Variants in IL21R observed in about 807,000 individuals in gnomAD.
IL21R encodes the protein interleukin 21 receptor.
In IL21R, 14 loss-of-function variants were observed where a neutral mutation model predicts 41.3. The ratio of observed to expected loss-of-function variants is 0.34; its 90% CI spans 0.22 to 0.53. The LOEUF (loss-of-function observed/expected upper bound fraction) is 0.53. Among genes scored for constraint, IL21R ranks in the 20% least tolerant of loss-of-function variants. IL21R has a pLI of 0.94. For missense variants in IL21R, 588 were observed against 681.6 expected, an observed-to-expected ratio of 0.86 and a Z score of 1.53; for synonymous variants, 286 against 287.6, an observed-to-expected ratio of 0.99 and a Z score of 0.05.
At chr16:27,413,251 T>C (rs1408814902) in intron 1 of IL21R, among the ~76,000 whole-genome samples, 1 of 152,180 alleles carries the variant, frequency 6.6e-6, no homozygotes, top group Non-Finnish European at 1.5e-5. Flanking sequence ...TTTGTGTTAA[T>C]TTCATGTATT....
chr16:27,418,500 C>G (rs966261823), intron 1 of IL21R, among the ~76,000 whole-genome samples: 3 of 152,122 alleles, frequency 2.0e-5, no homozygotes, highest in Non-Finnish European at 4.4e-5. Flanking sequence ...TCCAGAGTAG[C>G]TGGGACTACA....
chr16:27,445,461 C>T (rs2087460282), intron 7 of IL21R, among the ~76,000 whole-genome samples, 185 bp downstream of exon 7: 1 of 152,178 alleles, frequency 6.6e-6, no homozygotes, highest in Admixed American at 6.5e-5. Flanking sequence ...CCCATGGCTG[C>T]CCTATGAGCT....
chr16:27,413,090 T>C (rs1402039195), intron 1 of IL21R, among the ~76,000 whole-genome samples: 1 of 152,204 alleles, frequency 6.6e-6, no homozygotes, highest in Non-Finnish European at 1.5e-5. Flanking sequence ...ATATATTCAC[T>C]GTGGGCTTTT....
chr16:27,419,085 G>A (rs926990493), intron 1 of IL21R, among the ~76,000 whole-genome samples: 1 of 151,944 alleles, frequency 6.6e-6, no homozygotes, highest in Non-Finnish European at 1.5e-5. Flanking sequence ...CATGGTGGCG[G>A]GCGCCTGTAA....
At chr16:27,425,885 C>A (rs1021798363) in intron 1 of IL21R, among the ~76,000 whole-genome samples, 1 of 152,136 alleles carries the variant, frequency 6.6e-6, no homozygotes, top group Non-Finnish European at 1.5e-5. Flanking sequence ...CAAAGACAAA[C>A]CACATCTCCA....
chr16:27,438,256 C>G (rs1024475661), intron 4 of IL21R, among the ~76,000 whole-genome samples: 14 of 151,892 alleles, frequency 9.2e-5, no homozygotes, highest in Non-Finnish European at 1.3e-4. Flanking sequence ...GGATCCTGAC[C>G]CCATAATGAG....
intron 1 of IL21R, among the ~76,000 whole-genome samples, chr16:27,420,878 A>T (rs772547039): frequency 2.6e-5 from 4 of 152,122 alleles, no homozygotes; most frequent in Non-Finnish European, 4.4e-5. Flanking sequence ...AAAAACTATT[A>T]TTGTCTCATA....
At chr16:27,418,560 C>G (rs886172877) in intron 1 of IL21R, among the ~76,000 whole-genome samples, 1 of 151,768 alleles carries the variant, frequency 6.6e-6, no homozygotes, top group Middle Eastern at 3.4e-3. Flanking sequence ...TTAGTAGAGA[C>G]GGGGTTTCAC....
intron 4 of IL21R, among the ~76,000 whole-genome samples, chr16:27,440,248 T>TATATATAGAG (rs1352160946): frequency 0.011 from 715 of 63,998 alleles, 6 homozygotes; most frequent in Non-Finnish European, 0.013. Flanking sequence ...TATATATATA[T>TATATATAGAG]AGAGAGAGAG....
intron 1 of IL21R, among the ~76,000 whole-genome samples, chr16:27,412,389 CCTT>C (rs1283108546): frequency 7.2e-6 from 1 of 139,312 alleles, no homozygotes; most frequent in Non-Finnish European, 1.6e-5. Flanking sequence ...GCTTTCTTCT[CCTT>C]CTCCTTCTCC....
At chr16:27,407,056 G>T (rs757637632) in intron 1 of IL21R, among the ~76,000 whole-genome samples, 3 of 152,188 alleles carry the variant, frequency 2.0e-5, no homozygotes, top group Admixed American at 1.3e-4. Flanking sequence ...GGTGGGTCTG[G>T]GGGGAGTTTC....
intron 1 of IL21R, among the ~76,000 whole-genome samples, chr16:27,409,499 C>A (rs62032062): frequency 0.018 from 2,684 of 152,002 alleles, 40 homozygotes; most frequent in Non-Finnish European, 0.025. Flanking sequence ...TACTGTTTTA[C>A]CTTTCACATT....
At position 27,444,596 on chromosome 16, in the gene IL21R, C is replaced by G. The variant is rs1005135480; in HGVS notation, c.562C>G (p.Leu188Val). Reference sequence around the variant, plus strand: ...CTCAAGAAGTGTCTCCCTCCTCCCCCTGGAGTTCCGCAAAGACTCGAGCTA... The same window carrying G: ...CTCAAGAAGTGTCTCCCTCCTCCCCGTGGAGTTCCGCAAAGACTCGAGCTA... Reference protein sequence around the residue: ...VDSRSVSLLPLEFRKDSSYEL... With the variant: ...VDSRSVSLLPVEFRKDSSYEL... Residue 188 changes from leucine (L) to valine (V), a missense_variant, in exon 6 of 9, where the codon CTG becomes GTG. Transcript: ENST00000337929. 1.9e-6 allele frequency: 3 copies of G among 1,579,102 alleles called. No homozygotes were observed. Among genetic ancestry groups the G allele is most frequent in the Non-Finnish European group, 1.7e-6 (2 of 1,163,240 alleles).
chr16:27,444,519 G>T (rs764745385), intron 5 of IL21R, 23 bp from the exon 6 acceptor site: 4 of 1,450,276 alleles, frequency 2.8e-6, no homozygotes, highest in Admixed American at 5.1e-5. Flanking sequence ...CTGACCTGGT[G>T]CATCCTTTCC....
intron 3 of IL21R, among the ~76,000 whole-genome samples, chr16:27,434,712 G>C (rs2087237229): frequency 6.6e-6 from 1 of 152,096 alleles, no homozygotes; most frequent in Non-Finnish European, 1.5e-5. Context: ...CAAGCACTTA[G>C]GTACCAGGCC....
intron 1 of IL21R, among the ~76,000 whole-genome samples, chr16:27,429,752 C>A (rs952535804): frequency 1.6e-4 from 24 of 152,102 alleles, no homozygotes; most frequent in African/African-American, 5.8e-4. Context: ...CCAGCCTGGG[C>A]AACAGAACAT....
chr16:27,433,809 G>A (rs995593672), intron 2 of IL21R, among the ~76,000 whole-genome samples: 8 of 152,182 alleles, frequency 5.3e-5, no homozygotes, highest in Non-Finnish European at 1.0e-4. Context: ...ACTCCTTGAA[G>A]CACTTCCTGA....
intron 1 of IL21R, chr16:27,403,218 A>T (rs1354380035): frequency 1.0e-5 from 14 of 1,337,204 alleles, no homozygotes; most frequent in Admixed American, 2.2e-5. Context: ...AACGGGTCGG[A>T]TGGTAAGAGG....
At chr16:27,435,903 G>A (rs2087261435) in intron 3 of IL21R, among the ~76,000 whole-genome samples, 1 of 152,124 alleles carries the variant, frequency 6.6e-6, no homozygotes, top group African/African-American at 2.4e-5. Flanking sequence ...CAAGTATCTG[G>A]GATTGCATCC....
Sources: allele counts gnomAD v4.1 joint callset (sites outside exome capture counted in the v4.1 genomes callset), GRCh38; gene constraint gnomAD v4.1.1; transcripts MANE v1.5; gene names NCBI Gene and HGNC (gene_info 2026-07-23, HGNC 2026-07-21).